ABCD2: variants seen among roughly 807,000 people sequenced by gnomAD.
ABCD2 encodes ATP-binding cassette sub-family D member 2.
A neutral mutation model predicts 70.9 loss-of-function variants in ABCD2; 36 were observed. The ratio of observed to expected loss-of-function variants is 0.51; its 90% CI spans 0.39 to 0.67. The LOEUF is 0.67. Ranked by LOEUF, ABCD2 falls within the 30% of genes least tolerant of loss-of-function variation. The pLI, the probability that ABCD2 is intolerant of heterozygous loss-of-function variation, is 0.00. For synonymous variants in ABCD2, 304 were observed against 306.9 expected (o/e 0.99, Z 0.10); for missense variants, 729 against 890.2 (o/e 0.82, Z 2.30).
intron 6 of ABCD2, among the ~76,000 whole-genome samples, chr12:39,589,524 A>G (rs1941714972): frequency 6.6e-6 from 1 of 151,098 alleles, no homozygotes; most frequent in Non-Finnish European, 1.5e-5. Flanking sequence ...AGTAGCTGGG[A>G]CTACAGGCGT....
intron 2 of ABCD2, among the ~76,000 whole-genome samples, chr12:39,616,613 C>G (rs1224664515): frequency 6.6e-6 from 1 of 152,004 alleles, no homozygotes; most frequent in Non-Finnish European, 1.5e-5. Flanking sequence ...ATGTATAGAA[C>G]TAATGTTTAT....
At chr12:39,564,090 G>T (rs1489811400) in intron 9 of ABCD2, among the ~76,000 whole-genome samples, 3 of 152,114 alleles carry the variant, frequency 2.0e-5, no homozygotes, top group African/African-American at 7.2e-5. Flanking sequence ...ATAAACATAT[G>T]TGTGCATGTG....
chr12:39,590,156 G>A (rs927068884), intron 6 of ABCD2, among the ~76,000 whole-genome samples: 2 of 152,152 alleles, frequency 1.3e-5, no homozygotes, highest in Non-Finnish European at 2.9e-5. Flanking sequence ...GTCAGTTCAA[G>A]TTTCTGTAGT....
At position 39,619,560 on chromosome 12, in the gene ABCD2, G is replaced by C; in HGVS notation, c.56C>G (p.Ala19Gly). The change falls in exon 1 of 10, where the codon GCT becomes GGT. Residue 19 changes from alanine (A) to glycine (G), a missense_variant. Coordinates refer to ENST00000308666, the MANE Select transcript of ABCD2 (RefSeq NM_005164.4). ...ADRVKWTRSS[A>G]AKRAACLVAA... ...CACCAGGCAGGCAGCCCTCTTAGCA[G>C]CACTCGATCTGGTCCATTTCACTCG... 1.2e-6 allele frequency: 2 copies of C among 1,611,180 alleles called. No individual in the cohort carries two copies. Among genetic ancestry groups the C allele is most frequent in the Non-Finnish European group, 1.7e-6 (2 of 1,179,980 alleles).
rs142178604 is a variant in ABCD2, at chr12:39,569,612, C to T, written c.2003+4104G>A. Among the ~76,000 whole-genome samples the T allele has an allele frequency of 2.3e-3, 344 of 152,252 alleles. 2 individuals carry two copies. The highest frequency in any genetic ancestry group is 3.5e-3 in the East Asian group (18 of 5,174). ...GCCTCGCCCTGCTTCGCCTCACGCTCGGTGGTCTGCACCCACTGTCCTGCA... is the reference window on the plus strand; with the variant it reads ...GCCTCGCCCTGCTTCGCCTCACGCTTGGTGGTCTGCACCCACTGTCCTGCA... On this transcript the variant is annotated intron_variant, in intron 9 of 9. Transcript: ENST00000308666.
Position 39,553,567 on chromosome 12 carries a change from G to C in ABCD2, c.*345C>G, listed in dbSNP as rs1941118532. The C allele has an allele frequency of 5.2e-6, 1 of 192,522 alleles. No individual in the cohort carries two copies. Among genetic ancestry groups the C allele is most frequent in the Non-Finnish European group, 1.1e-5 (1 of 93,866 alleles). The allele number at this position is 192,522 out of a possible 1,614,324, so 11.9% of individuals were successfully genotyped here. A position where few individuals can be genotyped will look rare whatever the true frequency, so the allele number is the denominator to read the frequency against. On this transcript the variant is annotated 3_prime_UTR_variant, in exon 10 of 10. Coordinates refer to ENST00000308666, the MANE Select transcript of ABCD2 (RefSeq NM_005164.4). ...ACCCAAATGCTGCTCAGTTTAACTT[G>C]TTTCATTTCCAGAATATTGCCCATG...
chr12:39,608,533 C>T (rs187432943), intron 2 of ABCD2, among the ~76,000 whole-genome samples: 227 of 151,726 alleles, frequency 1.5e-3, no homozygotes, highest in African/African-American at 3.5e-3. Flanking sequence ...CCAAAAAAAA[C>T]GAAGATTAGC....
At chr12:39,549,206 G>A (rs1378645129), downstream of ABCD2, among the ~76,000 whole-genome samples, 2 of 151,960 alleles carry the variant, frequency 1.3e-5, no homozygotes, top group Non-Finnish European at 2.9e-5. Flanking sequence ...CCAAGTTAAA[G>A]ATCATGAAGA....
At chr12:39,537,519 C>T in the ABCD2 span, among the ~76,000 whole-genome samples, 1 of 152,158 alleles carries the variant, frequency 6.6e-6, no homozygotes, top group African/African-American at 2.4e-5. Flanking sequence ...GAATATGTCA[C>T]CTTTTTACAA....
At chr12:39,554,325 A>T (rs1941129946) in intron 9 of ABCD2, among the ~76,000 whole-genome samples, 194 bp from the exon 10 acceptor site, 1 of 152,168 alleles carries the variant, frequency 6.6e-6, no homozygotes, top group Non-Finnish European at 1.5e-5. Context: ...TCTGATCTTT[A>T]GGAAAATATT....
chr12:39,535,547 A>T, the ABCD2 span, among the ~76,000 whole-genome samples: 2 of 152,224 alleles, frequency 1.3e-5, no homozygotes, highest in Non-Finnish European at 2.9e-5. Context: ...AAATAGTCCA[A>T]AATAAATCTA....
At chr12:39,574,750 A>G (rs998838699) in intron 8 of ABCD2, among the ~76,000 whole-genome samples, 2 of 152,174 alleles carry the variant, frequency 1.3e-5, no homozygotes, top group Non-Finnish European at 2.9e-5. Context: ...AAAAATTCTG[A>G]TTTTTAAAAA....
the ABCD2 span, among the ~76,000 whole-genome samples, chr12:39,534,806 G>GAA: frequency 2.6e-5 from 3 of 114,822 alleles, no homozygotes; most frequent in African/African-American, 9.8e-5. Flanking sequence ...AAGAAAGAAA[G>GAA]AAAAGAAAGG....
At chr12:39,602,288 G>T (rs1278504705) in intron 5 of ABCD2, among the ~76,000 whole-genome samples, 1 of 151,848 alleles carries the variant, frequency 6.6e-6, no homozygotes, top group Admixed American at 6.6e-5. Flanking sequence ...GAGTAACTGG[G>T]ATTACAGGTG....
intron 6 of ABCD2, among the ~76,000 whole-genome samples, chr12:39,589,128 T>C (rs1208683199): frequency 6.6e-6 from 1 of 152,156 alleles, no homozygotes. Context: ...GTATATTGTG[T>C]GTGTATGCCT....
intron 8 of ABCD2, among the ~76,000 whole-genome samples, chr12:39,577,751 C>A (rs1414681198): frequency 6.6e-6 from 1 of 152,032 alleles, no homozygotes; most frequent in African/African-American, 2.4e-5. Context: ...ATTTCAGAGA[C>A]TGTTCTCAAA....
chr12:39,618,970 T>C lies in ABCD2; in HGVS notation c.646A>G (p.Met216Val), dbSNP rs1410969094. 1.9e-6 allele frequency: 3 copies of C among 1,614,108 alleles called. No individual in the cohort carries two copies. Among genetic ancestry groups the C allele is most frequent in the Non-Finnish European group, 2.5e-6 (3 of 1,180,046 alleles). The change falls in exon 1 of 10, where the codon ATG (methionine) becomes GTG (valine). Residue 216 changes from methionine (M) to valine (V), a missense_variant. Physicochemically the swap from Met to Val is conservative, Grantham distance 21. This residue lies in a region of ABCD2 where 245 missense variants were observed against 261.2 expected (regional missense o/e 0.94). Transcript: ENST00000308666. ...AAGTGAGCCACAGATTGGGAGAACA[T>C]CATAATATCCTCCGTAAGAGATTGG... is the stretch of plus-strand genomic sequence containing the variant. ...PDQSLTEDIM[M>V]FSQSVAHLYS...
At chr12:39,594,474 A>AG (rs1941787799) in intron 6 of ABCD2, among the ~76,000 whole-genome samples, 1 of 152,220 alleles carries the variant, frequency 6.6e-6, no homozygotes, top group African/African-American at 2.4e-5. Context: ...TTATCTCAAG[A>AG]GGTCACAACA....
At chr12:39,563,560 A>ATAAATAAAGGAAAAAGT (rs1169362324) in intron 9 of ABCD2, among the ~76,000 whole-genome samples, 1 of 152,182 alleles carries the variant, frequency 6.6e-6, no homozygotes, top group Non-Finnish European at 1.5e-5. Flanking sequence ...AAGGAAAAAG[A>ATAAATAAAGGAAAAAGT]TAAATAAAGG....
Sources: gnomAD v4.1 joint callset for allele counts (sites outside exome capture counted in the v4.1 genomes callset) on GRCh38, gnomAD v4.1.1 for gene constraint, gnomAD v4.1.1 regional missense constraint, MANE v1.5 for transcripts, NCBI Gene and HGNC (gene_info 2026-07-23, HGNC 2026-07-21) for gene names.